PRKCB: variants seen among roughly 807,000 people sequenced by gnomAD.
The protein encoded by PRKCB is protein kinase C beta type.
In PRKCB, 13 loss-of-function variants were observed where a neutral mutation model predicts 81.5. The ratio of observed to expected loss-of-function variants is 0.16; its 90% confidence interval spans 0.10 to 0.25. The LOEUF (loss-of-function observed/expected upper bound fraction) is 0.25, where lower values mean the gene tolerates loss of function less well. Ranked by LOEUF, PRKCB falls within the 10% of genes least tolerant of loss-of-function variation. The probability of loss-of-function intolerance (pLI) is 1.00; values close to 1 mark genes in which losing one functional copy is unlikely to be tolerated. For synonymous variants in PRKCB, 335 were observed against 321.4 expected (o/e 1.04, Z -0.45); for missense variants, 509 against 875.7 (o/e 0.58, Z 5.29).
chr16:24,061,917 A>AAAAC (rs1965978533), intron 5 of PRKCB, among the ~76,000 whole-genome samples: 2 of 148,732 alleles, frequency 1.3e-5, no homozygotes, highest in African/African-American at 5.0e-5. Context: ...AAATAAAAAA[A>AAAAC]AAAAAAAAAA....
chr16:23,879,381 C>A (rs1167550825), intron 2 of PRKCB, among the ~76,000 whole-genome samples: 2 of 151,852 alleles, frequency 1.3e-5, no homozygotes, highest in African/African-American at 4.8e-5. Context: ...CAATACTCAA[C>A]CTTGAGGTTT....
intron 16 of PRKCB, among the ~76,000 whole-genome samples, chr16:24,196,432 G>A (rs11640651): frequency 0.078 from 11,939 of 152,254 alleles, 577 homozygotes; most frequent in Middle Eastern, 0.14. Flanking sequence ...TCATGGCATC[G>A]TGTGGTTTTG....
chr16:24,006,837 G>A (rs556073328), intron 3 of PRKCB, among the ~76,000 whole-genome samples: 1 of 137,588 alleles, frequency 7.3e-6, no homozygotes, highest in Non-Finnish European at 1.5e-5. Context: ...CGGGGAGCAG[G>A]GGGTGGGGAG....
chr16:24,113,099 CTTTT>C, intron 8 of PRKCB, 30 bp downstream of exon 8: 1 of 1,541,292 alleles, frequency 6.5e-7, no homozygotes, highest in Non-Finnish European at 8.9e-7. Context: ...TCTCTTCTTT[CTTTT>C]TTCTCTTTCT....
intron 2 of PRKCB, among the ~76,000 whole-genome samples, chr16:23,974,593 A>G (rs1964601425): frequency 6.6e-6 from 1 of 152,232 alleles, no homozygotes; most frequent in Admixed American, 6.5e-5. Context: ...CTCGTCCTGG[A>G]AGAGTGCAGG....
intron 2 of PRKCB, among the ~76,000 whole-genome samples, chr16:23,952,232 A>T (rs927166340): frequency 6.6e-6 from 1 of 152,220 alleles, no homozygotes; most frequent in African/African-American, 2.4e-5. Flanking sequence ...CTCAGCTGAC[A>T]TTTCAAAAGC....
intron 7 of PRKCB, among the ~76,000 whole-genome samples, chr16:24,104,107 G>T (rs1459033029): frequency 6.6e-6 from 1 of 152,106 alleles, no homozygotes; most frequent in African/African-American, 2.4e-5. Flanking sequence ...GCCCAGCTAA[G>T]GTCCAGATCT....
Position 23,922,580 on chromosome 16 carries a change from A to G in PRKCB, c.206-65928A>G, listed in dbSNP as rs115661642. ...TGATAGCATGTGAAAGAGCTATGAT[A>G]CATCTTGGAAATGTCAACTTTGAAA... On this transcript the variant is annotated intron_variant, in intron 2 of 16. Transcript: ENST00000643927. 4.1e-3 allele frequency among the ~76,000 whole-genome samples: 620 copies of G among 152,336 alleles called. 2 individuals carry two copies. The highest frequency in any genetic ancestry group is 0.017 in the Middle Eastern group (5 of 294).
In PRKCB at chr16:23,977,888, T is replaced by C. The variant is rs1298716411; in HGVS notation, c.206-10620T>C. Among the ~76,000 whole-genome samples the C allele has an allele frequency of 4.6e-5, 7 of 152,190 alleles. No homozygotes were observed. The East Asian group carries it at 1.4e-3, about 29-fold the overall frequency. The stretch of plus-strand genomic sequence containing the variant: ...CTTGCCCTCCTCTACTCAGCTGCAA[T>C]GAGTGGTTTCCGAGTGTGGGAGAGA... On this transcript the variant is annotated intron_variant, in intron 2 of 16. Coordinates refer to ENST00000643927, the MANE Select transcript of PRKCB (RefSeq NM_002738.7).
intron 2 of PRKCB, among the ~76,000 whole-genome samples, chr16:23,988,003 A>G (rs757123795): frequency 4.6e-5 from 7 of 152,308 alleles, no homozygotes; most frequent in Middle Eastern, 3.4e-3. Flanking sequence ...CTCTTCTATT[A>G]GATTGACGTT....
chr16:24,218,421 C>A lies in PRKCB; in HGVS notation c.*3605C>A, dbSNP rs1968267088. ...GCAGGTGGGACATGGTAGAGATGGA[C>A]CCTACCCAGGAAACAGCTCCATCAG... is the stretch of plus-strand genomic sequence containing the variant. On this transcript the variant is annotated 3_prime_UTR_variant, in exon 17 of 17. Transcript: ENST00000643927. 3.0e-6 allele frequency: 3 copies of A among 985,320 alleles called. No homozygotes were observed. Among genetic ancestry groups the A allele is most frequent in the Non-Finnish European group, 3.6e-6 (3 of 829,954 alleles). 61.0% of individuals were successfully genotyped at this position (985,320 alleles called of 1,614,324 possible).
chr16:24,062,763 T>C (rs2141878822), intron 5 of PRKCB, among the ~76,000 whole-genome samples: 1 of 152,206 alleles, frequency 6.6e-6, no homozygotes, highest in East Asian at 1.9e-4. Flanking sequence ...ACTGTGACAT[T>C]ACTGGCCCCT....
intron 2 of PRKCB, among the ~76,000 whole-genome samples, chr16:23,917,759 A>G (rs1026131930): frequency 2.4e-4 from 37 of 152,232 alleles, no homozygotes; most frequent in African/African-American, 8.4e-4. Context: ...TCGCAGGCCC[A>G]GAGAGAGGAT....
intron 2 of PRKCB, among the ~76,000 whole-genome samples, chr16:23,915,515 G>A (rs1482551873): frequency 3.3e-5 from 5 of 151,950 alleles, no homozygotes; most frequent in African/African-American, 1.2e-4. Context: ...TGGGACCCCA[G>A]TCTCTATAAA....
chr16:23,883,244 C>G (rs987140621), intron 2 of PRKCB, among the ~76,000 whole-genome samples: 2 of 152,154 alleles, frequency 1.3e-5, no homozygotes, highest in Non-Finnish European at 2.9e-5. Context: ...TGAGTGGCTA[C>G]TTTAGATCAG....
At chr16:24,011,094 G>C (rs1037181970) in intron 3 of PRKCB, among the ~76,000 whole-genome samples, 1 of 151,980 alleles carries the variant, frequency 6.6e-6, no homozygotes, top group Non-Finnish European at 1.5e-5. Context: ...TCAAACTCTT[G>C]GGCTCAAGCA....
rs757236279 is a variant in PRKCB, at chr16:23,877,590, G to A, written c.205+40184G>A. Among the ~76,000 whole-genome samples, 37 of 152,098 alleles carry A rather than the reference G, an allele frequency of 2.4e-4. 1 individual carries two copies. Among genetic ancestry groups the A allele is most frequent in the South Asian group, 4.1e-4 (2 of 4,826 alleles). On this transcript the variant is annotated intron_variant, in intron 2 of 16. Transcript: ENST00000643927. ...CTGAGCTCATCACCAATGGCATGCC[G>A]CACTGTCAAAACTCTCTTTCTGTGC...
rs34117735 is a variant in PRKCB, at chr16:23,950,132, ATTTTTTT to A, written c.206-38356_206-38350del. Among the ~76,000 whole-genome samples the A allele has an allele frequency of 3.8e-4, 37 of 97,774 alleles. 1 individual carries two copies. Among genetic ancestry groups the A allele is most frequent in the African/African-American group, 8.7e-4 (21 of 24,120 alleles). 64.1% of individuals were successfully genotyped at this position (97,774 alleles called of 152,430 possible). ...AGCAGCATTGGCCCCTATGATTTGA[ATTTTTTT>A]TTTTTTTTTTTTTTTTTTTCTGTTG... On this transcript the variant is annotated intron_variant, in intron 2 of 16. Transcript: ENST00000643927.
rs921362664 is a variant in PRKCB, at chr16:23,926,153, C to T, written c.206-62355C>T. On this transcript the variant is annotated intron_variant, in intron 2 of 16. Coordinates refer to ENST00000643927, the MANE Select transcript of PRKCB (RefSeq NM_002738.7). Reference sequence around the variant, plus strand: ...AGGCATCGTGTTGTGTACCTGTGGTCCCAGTTTCTTGAGAGGCTGAGGCAG... The same window carrying T: ...AGGCATCGTGTTGTGTACCTGTGGTTCCAGTTTCTTGAGAGGCTGAGGCAG... Among the ~76,000 whole-genome samples, 34 of 151,874 alleles carry T rather than the reference C, an allele frequency of 2.2e-4. 1 individual carries two copies. The highest frequency in any genetic ancestry group is 2.0e-4 in the Admixed American group (3 of 15,242).
Sources: gnomAD v4.1 joint callset for allele counts (sites outside exome capture counted in the v4.1 genomes callset) on GRCh38, gnomAD v4.1.1 for gene constraint, MANE v1.5 for transcripts, NCBI Gene and HGNC (gene_info 2026-07-23, HGNC 2026-07-21) for gene names.